Variants in ELP4 observed in about 807,000 individuals in gnomAD.
ELP4 encodes elongator acetyltransferase complex subunit 4, also known as elongator complex protein 4.
Under a neutral mutation model 48.9 loss-of-function variants are expected in ELP4, and 51 were observed. That is an observed-to-expected ratio of 1.04 (90% CI 0.83 to 1.32). The LOEUF is 1.32. Among genes scored for constraint, ELP4 ranks in the 40% most tolerant of loss-of-function variants. ELP4 has a pLI of 0.00. For missense variants in ELP4, 519 were observed against 514.6 expected (o/e 1.01, Z -0.08); for synonymous variants, 210 against 189.2 (o/e 1.11, Z -0.90).
intron 9 of ELP4, chr11:31,664,066 ATGT>A (rs1305225815): frequency 6.6e-6 from 1 of 152,160 alleles, no homozygotes; most frequent in Non-Finnish European, 1.5e-5. Flanking sequence ...CCTAATAAAA[ATGT>A]TGTAAAAATA....
At chr11:31,634,174 C>T (rs1038573551) in intron 7 of ELP4, 1 of 151,862 alleles carries the variant, frequency 6.6e-6, no homozygotes, top group African/African-American at 2.4e-5. Context: ...TCCTATGTGT[C>T]CTGAATTATT....
intron 9 of ELP4, among the ~76,000 whole-genome samples, chr11:31,665,495 A>G (rs574068621): frequency 1.3e-5 from 2 of 152,274 alleles, no homozygotes; most frequent in African/African-American, 4.8e-5. Context: ...TAAAAACTAT[A>G]AAGTCATTTT....
At chr11:31,537,542 T>A (rs746808367) in intron 2 of ELP4, among the ~76,000 whole-genome samples, 2 of 152,194 alleles carry the variant, frequency 1.3e-5, no homozygotes, top group Non-Finnish European at 2.9e-5. Flanking sequence ...AAAATAGGTT[T>A]AATTGGCTCA....
chr11:31,545,230 CTT>C (rs1956678309), intron 3 of ELP4, among the ~76,000 whole-genome samples: 1 of 152,242 alleles, frequency 6.6e-6, no homozygotes, highest in South Asian at 2.1e-4. Context: ...AAGTTAAAAA[CTT>C]TGAAAAAAAT....
chr11:31,714,753 C>A (rs1946806434), intron 9 of ELP4: 2 of 398,510 alleles, frequency 5.0e-6, no homozygotes, highest in Non-Finnish European at 8.8e-6. Context: ...TGGCTTCTTC[C>A]TCCGTTTTCA....
In ELP4 at chr11:31,539,882, A is replaced by G. The variant is rs1592096120; in HGVS notation, c.381+99A>G. The stretch of plus-strand genomic sequence containing the variant: ...ATATATGTTTGTATATATACAAACT[A>G]TATTTAAATGCATTAACGGAACCAT... On this transcript the variant is annotated intron_variant, in intron 3 of 9. Transcript: ENST00000640961. 1.6e-5 allele frequency: 15 copies of G among 931,808 alleles called. No individual in the cohort carries two copies. The East Asian group carries it at 4.8e-4, about 30-fold the overall frequency. The allele number at this position is 931,808 out of a possible 1,614,324, so 57.7% of individuals were successfully genotyped here. A position where few individuals can be genotyped will look rare whatever the true frequency, so the allele number is the denominator to read the frequency against.
At chr11:31,657,822 A>C (rs1297022799) in intron 9 of ELP4, among the ~76,000 whole-genome samples, 1 of 152,038 alleles carries the variant, frequency 6.6e-6, no homozygotes, top group Non-Finnish European at 1.5e-5. Context: ...CTGGAAAGCT[A>C]ACATGTTCAC....
intron 9 of ELP4, among the ~76,000 whole-genome samples, chr11:31,696,327 A>C (rs1049692460): frequency 1.3e-5 from 2 of 152,152 alleles, no homozygotes; most frequent in Non-Finnish European, 2.9e-5. Context: ...TGCCCTCTAC[A>C]CACTGCTTTA....
chr11:31,756,724 T>C (rs980197946), intron 9 of ELP4, among the ~76,000 whole-genome samples: 3 of 152,222 alleles, frequency 2.0e-5, no homozygotes, highest in East Asian at 1.9e-4. Flanking sequence ...TTTAAAGTTA[T>C]GTAAGTATTA....
chr11:31,654,018 T>C (rs2134079461), intron 9 of ELP4: 1 of 151,822 alleles, frequency 6.6e-6, no homozygotes, highest in African/African-American at 2.4e-5. Flanking sequence ...TTTTGCTATT[T>C]TGATTTTGCA....
chr11:31,510,379 G>C lies in ELP4; in HGVS notation c.223+372G>C, dbSNP rs1246936914. ...CTTCTGCTTTCTCCAGGCAGCTCAC[G>C]GTTTAGACCAGCCTGCAAAAGTTTT... On this transcript the variant is annotated intron_variant, in intron 1 of 9. Transcript: ENST00000640961. The C allele has an allele frequency of 7.0e-6, 3 of 428,044 alleles. No homozygotes were observed. The South Asian group carries it at 2.5e-4, about 36-fold the overall frequency. The allele number at this position is 428,044 out of a possible 1,614,324, so 26.5% of individuals were successfully genotyped here.
chr11:31,590,424 T>C (rs1957548860), intron 3 of ELP4, among the ~76,000 whole-genome samples: 1 of 152,042 alleles, frequency 6.6e-6, no homozygotes. Flanking sequence ...TCACTTTCAA[T>C]GTATCAAAGA....
At chr11:31,526,772 A>G (rs1413476168) in intron 2 of ELP4, among the ~76,000 whole-genome samples, 1 of 151,676 alleles carries the variant, frequency 6.6e-6, no homozygotes, top group Non-Finnish European at 1.5e-5. Context: ...AGCAATATCA[A>G]TTTCCCTTCT....
chr11:31,785,537 AAG>A lies in ELP4; in HGVS notation c.*2015_*2016del, dbSNP rs1948548527. The A allele has an allele frequency of 5.2e-6, 1 of 191,798 alleles. No homozygotes were observed. Among genetic ancestry groups the A allele is most frequent in the African/African-American group, 2.3e-5 (1 of 43,072 alleles). The allele number at this position is 191,798 out of a possible 1,614,324, so 11.9% of individuals were successfully genotyped here. On this transcript the variant is annotated 3_prime_UTR_variant, in exon 10 of 10. Transcript: ENST00000640961. Reference sequence around the variant, plus strand: ...ATTTGAACCCTTATTTTAAATATAAAAGAAACTTTTCAAACTCAGTAAAAGTG... The same window carrying A: ...ATTTGAACCCTTATTTTAAATATAAAAAACTTTTCAAACTCAGTAAAAGTG...
At chr11:31,559,479 T>C (rs1956980097) in intron 3 of ELP4, among the ~76,000 whole-genome samples, 1 of 152,208 alleles carries the variant, frequency 6.6e-6, no homozygotes, top group South Asian at 2.1e-4. Context: ...TTTGAGACCA[T>C]GAGGTGAAGC....
chr11:31,778,409 G>A (rs890857011), intron 9 of ELP4, among the ~76,000 whole-genome samples: 1 of 152,204 alleles, frequency 6.6e-6, no homozygotes, highest in Non-Finnish European at 1.5e-5. Flanking sequence ...TGGTGGCTAA[G>A]TCTGATGTGC....
At chr11:31,627,038 G>A (rs563487370) in intron 5 of ELP4, 72 bp from the exon 6 acceptor site, 12 of 805,180 alleles carry the variant, frequency 1.5e-5, no homozygotes, top group Non-Finnish European at 2.5e-5. Context: ...TTTACTTAAT[G>A]TTTTATCATA....
chr11:31,595,185 G>A lies in ELP4; in HGVS notation c.513+284G>A, dbSNP rs1478147919. Among the ~76,000 whole-genome samples the A allele has an allele frequency of 2.0e-5, 3 of 152,092 alleles. No individual in the cohort carries two copies. The East Asian group carries it at 5.8e-4, about 29-fold the overall frequency. On this transcript the variant is annotated intron_variant, in intron 4 of 9. Coordinates refer to ENST00000640961, the MANE Select transcript of ELP4 (RefSeq NM_019040.5). ...GAACTAATGAAGCCATTTCTATCCA[G>A]TATGTTTACCTATAAATATTCAATG... is the stretch of plus-strand genomic sequence containing the variant.
At chr11:31,529,026 G>A (rs1007313060) in intron 2 of ELP4, among the ~76,000 whole-genome samples, 1 of 148,366 alleles carries the variant, frequency 6.7e-6, no homozygotes, top group Non-Finnish European at 1.5e-5. Context: ...ATGAAAATTT[G>A]TGTTTGGCTA....
Sources: allele counts gnomAD v4.1 joint callset (sites outside exome capture counted in the v4.1 genomes callset), GRCh38; gene constraint gnomAD v4.1.1; transcripts MANE v1.5; gene names NCBI Gene and HGNC (gene_info 2026-07-23, HGNC 2026-07-21).